The following PLCB4 variants were observed in gnomAD, a reference collection of about 807,000 sequenced individuals.
PLCB4 encodes the protein 1-phosphatidylinositol 4,5-bisphosphate phosphodiesterase beta-4.
PLCB4 carries 77 observed loss-of-function variants against 178.8 expected under a neutral mutation model. The observed-to-expected ratio is 0.43, with a 90% CI of 0.36 to 0.52. The LOEUF (loss-of-function observed/expected upper bound fraction) is 0.52. Among genes scored for constraint, PLCB4 ranks in the 20% least tolerant of loss-of-function variants. The pLI is 0.00. For synonymous variants in PLCB4, 496 were observed against 490.8 expected, an observed-to-expected ratio of 1.01 and a Z score of -0.14; for missense variants, 1,024 against 1,453.4, an observed-to-expected ratio of 0.70 and a Z score of 4.80.
At chr20:9,297,384 G>T (rs745469177) in intron 3 of PLCB4, among the ~76,000 whole-genome samples, 8 of 151,964 alleles carry the variant, frequency 5.3e-5, no homozygotes, top group Non-Finnish European at 1.0e-4. Context: ...GTCAGAGTGG[G>T]GTGAGGGATA....
At chr20:9,286,106 A>G (rs776448309) in intron 3 of PLCB4, among the ~76,000 whole-genome samples, 2 of 152,012 alleles carry the variant, frequency 1.3e-5, no homozygotes, top group Non-Finnish European at 2.9e-5. Context: ...AAAGGAATCC[A>G]TGTGTCTCAT....
chr20:9,259,359 A>G (rs538312766), intron 3 of PLCB4, among the ~76,000 whole-genome samples: 2 of 152,298 alleles, frequency 1.3e-5, no homozygotes, highest in South Asian at 4.1e-4. Context: ...TAAAAAATAG[A>G]TAGTACAGAA....
intron 2 of PLCB4, among the ~76,000 whole-genome samples, chr20:9,207,975 C>T (rs539605170): frequency 2.0e-5 from 3 of 152,226 alleles, no homozygotes; most frequent in East Asian, 3.9e-4. Flanking sequence ...GGTATTTTAA[C>T]GCAAATTACA....
chr20:9,387,391 G>T (rs1378995975), intron 14 of PLCB4, 72 bp from the exon 15 acceptor site: 3 of 739,200 alleles, frequency 4.1e-6, no homozygotes, highest in African/African-American at 1.8e-5. Flanking sequence ...TTATTTTGAT[G>T]TCTTTCTTTT....
intron 2 of PLCB4, among the ~76,000 whole-genome samples, chr20:9,130,545 T>C (rs2092246604): frequency 6.6e-6 from 1 of 152,200 alleles, no homozygotes; most frequent in African/African-American, 2.4e-5. Context: ...TCACTGCAAG[T>C]GTTTCCTCTT....
At chr20:9,077,721 C>T (rs1360686559) in intron 1 of PLCB4, among the ~76,000 whole-genome samples, 1 of 152,182 alleles carries the variant, frequency 6.6e-6, no homozygotes, top group Admixed American at 6.5e-5. Flanking sequence ...TCCATAAGCA[C>T]CCTTTAATCT....
At chr20:9,120,028 G>A (rs749108379) in intron 2 of PLCB4, among the ~76,000 whole-genome samples, 2 of 152,124 alleles carry the variant, frequency 1.3e-5, no homozygotes, top group African/African-American at 2.4e-5. Flanking sequence ...CTTTCTTTCA[G>A]CAATCTGCTT....
chr20:9,159,526 A>G (rs2092847977), intron 2 of PLCB4, among the ~76,000 whole-genome samples: 1 of 152,146 alleles, frequency 6.6e-6, no homozygotes, highest in Non-Finnish European at 1.5e-5. Context: ...AAAGCAATTC[A>G]TGAACATACT....
At chr20:9,360,876 C>A (rs2035264963) in intron 7 of PLCB4, among the ~76,000 whole-genome samples, 1 of 152,158 alleles carries the variant, frequency 6.6e-6, no homozygotes, top group African/African-American at 2.4e-5. Context: ...ACCCCTAAGT[C>A]TTCCCTCAGA....
intron 3 of PLCB4, among the ~76,000 whole-genome samples, chr20:9,230,745 C>T (rs2093923021): frequency 1.3e-5 from 2 of 152,058 alleles, no homozygotes; most frequent in South Asian, 4.1e-4. Context: ...CATTTCTTCT[C>T]CATGTGTCTC....
chr20:9,292,933 T>C (rs561764938), intron 3 of PLCB4, among the ~76,000 whole-genome samples: 32 of 152,032 alleles, frequency 2.1e-4, no homozygotes, highest in Non-Finnish European at 3.2e-4. Flanking sequence ...TCAAAAATTA[T>C]CCGAGTGTGG....
intron 4 of PLCB4, among the ~76,000 whole-genome samples, chr20:9,327,538 TG>T (rs2030860753): frequency 1.3e-5 from 2 of 151,682 alleles, no homozygotes; most frequent in South Asian, 4.2e-4. Flanking sequence ...GCACTTTGGG[TG>T]GCCGAGGTGG....
At chr20:9,165,613 T>C (rs897069080) in intron 2 of PLCB4, among the ~76,000 whole-genome samples, 1 of 152,322 alleles carries the variant, frequency 6.6e-6, no homozygotes, top group South Asian at 2.1e-4. Flanking sequence ...AAAATAAGCA[T>C]ACTAAAAACT....
At chr20:9,366,449 A>G (rs1458465265) in intron 9 of PLCB4, among the ~76,000 whole-genome samples, 2 of 151,660 alleles carry the variant, frequency 1.3e-5, no homozygotes, top group Admixed American at 1.3e-4. Context: ...TAAAGAAAAC[A>G]TGGACAGGAT....
chr20:9,253,823 C>G (rs1776534145), intron 3 of PLCB4, among the ~76,000 whole-genome samples: 1 of 152,158 alleles, frequency 6.6e-6, no homozygotes, highest in Non-Finnish European at 1.5e-5. Context: ...CATAGGCTTG[C>G]AAATTTACGT....
intron 3 of PLCB4, among the ~76,000 whole-genome samples, chr20:9,223,524 A>G (rs2147303907): frequency 6.6e-6 from 1 of 152,300 alleles, no homozygotes; most frequent in East Asian, 1.9e-4. Flanking sequence ...ACGCTGGAAG[A>G]GCAGGCAGCT....
intron 20 of PLCB4, among the ~76,000 whole-genome samples, chr20:9,401,950 G>A (rs2039059850): frequency 6.6e-6 from 1 of 152,240 alleles, no homozygotes; most frequent in African/African-American, 2.4e-5. Flanking sequence ...CCCGAGTCTA[G>A]CCCTCATTTG....
chr20:9,467,728 C>G (rs192755459), intron 35 of PLCB4, among the ~76,000 whole-genome samples: 51 of 152,278 alleles, frequency 3.3e-4, no homozygotes, highest in African/African-American at 1.2e-3. Flanking sequence ...TCTAGGGTAG[C>G]TGAGTGAGCA....
chr20:9,209,880 C>T (rs968157781), intron 2 of PLCB4, among the ~76,000 whole-genome samples: 4 of 143,240 alleles, frequency 2.8e-5, no homozygotes, highest in African/African-American at 7.8e-5. Context: ...AGGAGAATGG[C>T]GTGAACCCGG....
Sources: allele counts gnomAD v4.1 joint callset (sites outside exome capture counted in the v4.1 genomes callset), GRCh38; gene constraint gnomAD v4.1.1; transcripts MANE v1.5; gene names NCBI Gene and HGNC (gene_info 2026-07-23, HGNC 2026-07-21).